Variants in VWA7 observed in about 807,000 individuals in gnomAD.
The protein encoded by VWA7 is von Willebrand factor A domain-containing protein 7.
Under a neutral mutation model 83.1 loss-of-function variants are expected in VWA7, and 66 were observed. The observed-to-expected ratio is 0.79, with a 90% CI of 0.65 to 0.98. The LOEUF (loss-of-function observed/expected upper bound fraction) is 0.98. VWA7 is among the 50% of genes least tolerant of loss of function. The pLI is 0.00. For synonymous variants in VWA7, 424 were observed against 488.5 expected, an observed-to-expected ratio of 0.87 and a Z score of 1.74; for missense variants, 1,080 against 1,160.2, an observed-to-expected ratio of 0.93 and a Z score of 1.00.
chr6:31,766,771 CAG>C lies in VWA7; in HGVS notation c.1883-9_1883-8del. 1.3e-6 allele frequency: 2 copies of C among 1,595,384 alleles called. No homozygotes were observed. Among genetic ancestry groups the C allele is most frequent in the Non-Finnish European group, 1.7e-6 (2 of 1,167,194 alleles). ...AGCAGCTGGGTCTGAAGACCTGGGA[CAG>C]GGGCGAGGAGGGGAGAACATTGTGA... On this transcript the variant is annotated splice_polypyrimidine_tract_variant and splice_region_variant and intron_variant, in intron 13 of 16. Coordinates refer to ENST00000375688, the MANE Select transcript of VWA7 (RefSeq NM_025258.3). This position sits in a 1 kb window ranked among gnomAD's most constrained non-coding sequence, Gnocchi z 4.9.
rs707930 is a variant in VWA7, at chr6:31,773,882, C to T, written c.722-445G>A. The stretch of plus-strand genomic sequence containing the variant: ...TAAATAAATAAATGATGGCTGGGCA[C>T]GGTGGCTCACACCAGTAATCCCAGC... On this transcript the variant is annotated intron_variant, in intron 5 of 16. Coordinates refer to ENST00000375688, the MANE Select transcript of VWA7 (RefSeq NM_025258.3). The surrounding 1 kb of genome is among the most constrained non-coding windows in gnomAD (Gnocchi z 5.3). Among the ~76,000 whole-genome samples, 66,119 of 151,282 alleles carry T rather than the reference C, an allele frequency of 0.44. 14,959 individuals carry two copies. Among genetic ancestry groups the T allele is most frequent in the Middle Eastern group, 0.55 (160 of 290 alleles).
chr6:31,767,429 G>A lies in VWA7; in HGVS notation c.1722C>T (p.Asp574=). The A allele has an allele frequency of 1.2e-6, 2 of 1,613,084 alleles. No homozygotes were observed. The highest frequency in any genetic ancestry group is 1.7e-6 in the Non-Finnish European group (2 of 1,179,956). Residue 574 remains aspartate, a synonymous_variant, in exon 12 of 17, where the codon GAC becomes GAT. Transcript: ENST00000375688. ...FGQFWMVTMD[D]PPQTGTWEIQ... is the part of the protein sequence containing the mutation. ...TCTCCCAGGTTCCTGTCTGTGGAGG[G>A]TCATCCATGGTCACCATCCAGAACT...
rs978083143 is a variant in VWA7, at chr6:31,775,931, C to G, written c.513+33G>C. ...TCCCGGACAGGCACGGAAGTGAAGACCCCTCTGACCATCAACCCAACCCTG... is the reference window on the plus strand; with the variant it reads ...TCCCGGACAGGCACGGAAGTGAAGAGCCCTCTGACCATCAACCCAACCCTG... On this transcript the variant is annotated intron_variant, in intron 3 of 16. Coordinates refer to ENST00000375688, the MANE Select transcript of VWA7 (RefSeq NM_025258.3). This position sits in a 1 kb window ranked among gnomAD's most constrained non-coding sequence, Gnocchi z 5.9. 1 of 1,579,158 alleles carries G rather than the reference C, an allele frequency of 6.3e-7. No homozygotes were observed. Among genetic ancestry groups the G allele is most frequent in the Non-Finnish European group, 8.6e-7 (1 of 1,161,584 alleles).
intron 7 of VWA7, among the ~76,000 whole-genome samples, chr6:31,772,012 A>G (rs967896442): frequency 9.2e-5 from 14 of 151,614 alleles, no homozygotes; most frequent in African/African-American, 3.1e-4. Flanking sequence ...AAAAAAAAAA[A>G]AAAAGAAAAT....
Position 31,776,320 on chromosome 6 carries a change from C to T in VWA7, c.235-78G>A. The T allele has an allele frequency of 6.5e-7, 1 of 1,546,778 alleles. No homozygotes were observed. Among genetic ancestry groups the T allele is most frequent in the Non-Finnish European group, 8.7e-7 (1 of 1,145,496 alleles). ...TTGCCCACCTTATCTCAGCAACTGA[C>T]ACTCAAGGCTGGGTATGAGGGTCCT... On this transcript the variant is annotated intron_variant, in intron 2 of 16. Transcript: ENST00000375688. The surrounding 1 kb of genome is among the most constrained non-coding windows in gnomAD (Gnocchi z 6.2).
In VWA7 at chr6:31,773,027, G is replaced by A. The variant is rs770653776; in HGVS notation, c.1014C>T (p.Arg338=). The A allele has an allele frequency of 3.1e-6, 5 of 1,611,560 alleles. No individual in the cohort carries two copies. The East Asian group carries it at 8.9e-5, about 29-fold the overall frequency. The change falls in exon 7 of 17, where the codon CGC becomes CGT. Residue 338 remains arginine, a synonymous_variant. Transcript: ENST00000375688. The surrounding 1 kb of genome is among the most constrained non-coding windows in gnomAD (Gnocchi z 5.3). ...TGCCTCTCCGCTGCTCCACAAGGTGGCGAGCCTGGATTTTGGCAGCGTTGA... is the reference window on the plus strand; with the variant it reads ...TGCCTCTCCGCTGCTCCACAAGGTGACGAGCCTGGATTTTGGCAGCGTTGA... The part of the protein sequence containing the change: ...EEINAAKIQA[R]HLVEQRRGSP...
chr6:31,769,776 T>G lies in VWA7; in HGVS notation c.1216A>C (p.Thr406Pro). 1.2e-6 allele frequency: 2 copies of G among 1,613,014 alleles called. No individual in the cohort carries two copies. Among genetic ancestry groups the G allele is most frequent in the Non-Finnish European group, 1.7e-6 (2 of 1,179,998 alleles). ...LSALQLALLH[T>P]PPLSDIFVFT... Reference sequence around the variant, plus strand: ...ACAAAGATATCTGAGAGTGGAGGTGTGTGCAGCAGGGCCAGCTGGCAGGGA... The same window carrying G: ...ACAAAGATATCTGAGAGTGGAGGTGGGTGCAGCAGGGCCAGCTGGCAGGGA... The change falls in exon 9 of 17, where the codon ACA becomes CCA. Residue 406 changes from threonine (T) to proline (P), a missense_variant. Physicochemically the swap from Thr to Pro is conservative, Grantham distance 38. Coordinates refer to ENST00000375688, the MANE Select transcript of VWA7 (RefSeq NM_025258.3). This position sits in a 1 kb window ranked among gnomAD's most constrained non-coding sequence, Gnocchi z 4.5.
At chr6:31,770,866 C>T (rs928847313) in intron 7 of VWA7, among the ~76,000 whole-genome samples, 2 of 151,656 alleles carry the variant, frequency 1.3e-5, no homozygotes, top group African/African-American at 4.8e-5. Flanking sequence ...CAAAAATTAG[C>T]CAGATATGGT....
At chr6:31,772,314 A>G (rs1175436317) in intron 7 of VWA7, among the ~76,000 whole-genome samples, 1 of 151,440 alleles carries the variant, frequency 6.6e-6, no homozygotes, top group Non-Finnish European at 1.5e-5. Flanking sequence ...CCCACACATA[A>G]TTTTTATTAA....
At chr6:31,774,454 C>T in intron 5 of VWA7, 62 bp downstream of exon 5, 1 of 1,485,368 alleles carries the variant, frequency 6.7e-7, no homozygotes, top group South Asian at 1.2e-5. Flanking sequence ...GCCTACAGGA[C>T]AGAGATCCTG....
At position 31,775,724 on chromosome 6, in the gene VWA7, C is replaced by A. The variant is rs1260917289; in HGVS notation, c.513+240G>T. Among the ~76,000 whole-genome samples the A allele has an allele frequency of 1.3e-5, 2 of 152,226 alleles. No homozygotes were observed. Among genetic ancestry groups the A allele is most frequent in the East Asian group, 1.9e-4 (1 of 5,198 alleles). ...CTGCTCCCTCAGCTCTCTGACCTCGCAGCCTTCCTCTCTCACCCTCACTTC... is the reference window on the plus strand; with the variant it reads ...CTGCTCCCTCAGCTCTCTGACCTCGAAGCCTTCCTCTCTCACCCTCACTTC... On this transcript the variant is annotated intron_variant, in intron 3 of 16. Coordinates refer to ENST00000375688, the MANE Select transcript of VWA7 (RefSeq NM_025258.3). This position sits in a 1 kb window ranked among gnomAD's most constrained non-coding sequence, Gnocchi z 5.9.
At chr6:31,765,833 C>G in intron 16 of VWA7, 50 bp downstream of exon 16, 1 of 1,604,042 alleles carries the variant, frequency 6.2e-7, no homozygotes, top group South Asian at 1.1e-5. Flanking sequence ...AAACCTACAC[C>G]ACCCTCCCCG....
In VWA7 at chr6:31,765,817, C is replaced by A. The variant is rs755886429; in HGVS notation, c.2500-47G>T. 9 of 1,596,348 alleles carry A rather than the reference C, an allele frequency of 5.6e-6. No individual in the cohort carries two copies. In the South Asian group the frequency reaches 9.0e-5, roughly 16 times the overall value. On this transcript the variant is annotated intron_variant, in intron 16 of 16. Transcript: ENST00000375688. ...TGACAGGGTGTGCTAGAGCTGTACTCAAATTAAACCTACACCACCCTCCCC... is the reference window on the plus strand; with the variant it reads ...TGACAGGGTGTGCTAGAGCTGTACTAAAATTAAACCTACACCACCCTCCCC...
chr6:31,766,380 C>T lies in VWA7; in HGVS notation c.2189G>A (p.Ser730Asn), dbSNP rs770520452. The change falls in exon 15 of 17, where the codon AGT (serine) becomes AAT (asparagine). Residue 730 changes from serine (S) to asparagine (N), a missense_variant. Transcript: ENST00000375688. The surrounding 1 kb of genome is among the most constrained non-coding windows in gnomAD (Gnocchi z 4.9). ...STVVPVLLEL[S>N]GPSGFLAPGS... ...CGGGGCCAAGAAACCCGAGGGGCCACTAAGCTGCAGAGAAGGGTTCTTCAG... is the reference window on the plus strand; with the variant it reads ...CGGGGCCAAGAAACCCGAGGGGCCATTAAGCTGCAGAGAAGGGTTCTTCAG... The T allele has an allele frequency of 6.3e-7, 1 of 1,597,626 alleles. No homozygotes were observed. The highest frequency in any genetic ancestry group is 8.5e-7 in the Non-Finnish European group (1 of 1,173,018).
rs1811641562 is a variant in VWA7 at position 31,766,830 on chromosome 6, G to A, written c.1883-66C>T. 1 of 1,523,682 alleles carries A rather than the reference G, an allele frequency of 6.6e-7. No homozygotes were observed. Among genetic ancestry groups the A allele is most frequent in the Non-Finnish European group, 8.8e-7 (1 of 1,129,996 alleles). 94.4% of individuals were successfully genotyped at this position (1,523,682 alleles called of 1,614,324 possible). On this transcript the variant is annotated intron_variant, in intron 13 of 16. Transcript: ENST00000375688. This position sits in a 1 kb window ranked among gnomAD's most constrained non-coding sequence, Gnocchi z 4.9. Reference sequence around the variant, plus strand: ...GAGACACAGGGAGAAAAGAATTAATGGCCTTCAAAATAGGGGTTCCCTCTG... The same window carrying A: ...GAGACACAGGGAGAAAAGAATTAATAGCCTTCAAAATAGGGGTTCCCTCTG...
intron 10 of VWA7, 85 bp downstream of exon 10, chr6:31,768,933 G>A (rs1811895261): frequency 7.2e-7 from 1 of 1,383,892 alleles, no homozygotes; most frequent in Non-Finnish European, 9.6e-7. Context: ...ACAGCAGTGA[G>A]AGTGATTCCC....
At position 31,775,829 on chromosome 6, in the gene VWA7, G is replaced by A. The variant is rs930427203; in HGVS notation, c.513+135C>T. 5.8e-6 allele frequency: 8 copies of A among 1,388,312 alleles called. No homozygotes were observed. The highest frequency in any genetic ancestry group is 2.3e-5 in the East Asian group (1 of 43,342). 86.0% of individuals were successfully genotyped at this position (1,388,312 alleles called of 1,614,324 possible). On this transcript the variant is annotated intron_variant, in intron 3 of 16. Transcript: ENST00000375688. The surrounding 1 kb of genome is among the most constrained non-coding windows in gnomAD (Gnocchi z 5.9). ...AGGTGGGGAACTGGGACACAGCCTC[G>A]GGGCACCGCGTGCCAGTGCCCACCC... is the stretch of plus-strand genomic sequence containing the variant.
rs1176835011 is a variant in VWA7 at position 31,769,075 on chromosome 6, G to A, written c.1446C>T (p.Thr482=). Residue 482 remains threonine (T), a synonymous_variant, in exon 10 of 17, where the codon ACC becomes ACT. Coordinates refer to ENST00000375688, the MANE Select transcript of VWA7 (RefSeq NM_025258.3). This position sits in a 1 kb window ranked among gnomAD's most constrained non-coding sequence, Gnocchi z 4.5. ...CCACGTCTCGAATGTGCTGGTCTTTGGTGAAGATCACCTCTCCTCCTGAGG... is the reference window on the plus strand; with the variant it reads ...CCACGTCTCGAATGTGCTGGTCTTTAGTGAAGATCACCTCTCCTCCTGAGG... ...ALASGGEVIF[T]KDQHIRDVAA... The A allele has an allele frequency of 1.2e-6, 2 of 1,613,062 alleles. No individual in the cohort carries two copies. Among genetic ancestry groups the A allele is most frequent in the Admixed American group, 1.7e-5 (1 of 60,020 alleles).
intron 7 of VWA7, among the ~76,000 whole-genome samples, chr6:31,770,588 A>C (rs1393954128): frequency 8.1e-6 from 1 of 122,810 alleles, no homozygotes; most frequent in African/African-American, 3.1e-5. Context: ...AAAAAAAAAA[A>C]GTCATACTTG....
Sources: allele counts gnomAD v4.1 joint callset (sites outside exome capture counted in the v4.1 genomes callset), GRCh38; gene constraint gnomAD v4.1.1; non-coding constraint Gnocchi (gnomAD v3.1); transcripts MANE v1.5; gene names NCBI Gene and HGNC (gene_info 2026-07-23, HGNC 2026-07-21).